Variants in TNNI3K observed in about 807,000 individuals in gnomAD.
TNNI3K encodes the protein TNNI3 interacting kinase, also known as serine/threonine-protein kinase TNNI3K.
TNNI3K carries 140 observed loss-of-function variants against 114.5 expected under a neutral mutation model. The observed-to-expected ratio is 1.22, with a 90% CI of 1.07 to 1.41. TNNI3K has a LOEUF of 1.41. Ranked by LOEUF, TNNI3K falls within the 40% of genes most tolerant of loss-of-function variation. TNNI3K has a pLI of 0.00. For missense variants in TNNI3K, 1,125 were observed against 1,007.6 expected, an observed-to-expected ratio of 1.12 and a Z score of -1.58; for synonymous variants, 347 against 347.5, an observed-to-expected ratio of 1.00 and a Z score of 0.02.
chr1:74,531,736 T>A (rs760016776), intron 23 of TNNI3K, among the ~76,000 whole-genome samples: 1 of 152,210 alleles, frequency 6.6e-6, no homozygotes, highest in Non-Finnish European at 1.5e-5. Context: ...TTAAGTATTA[T>A]TGTATGTGTT....
At chr1:74,344,658 C>G (rs1403872377) in intron 9 of TNNI3K, among the ~76,000 whole-genome samples, 2 of 152,060 alleles carry the variant, frequency 1.3e-5, no homozygotes, top group Non-Finnish European at 2.9e-5. Context: ...GGCTAGTTTT[C>G]AAATCATTTT....
chr1:74,530,812 C>T (rs185861785), intron 23 of TNNI3K, among the ~76,000 whole-genome samples: 115 of 151,402 alleles, frequency 7.6e-4, no homozygotes, highest in African/African-American at 2.7e-3. Flanking sequence ...TTTTAGCAGT[C>T]AAGGCATGCA....
intron 23 of TNNI3K, among the ~76,000 whole-genome samples, chr1:74,527,155 A>C (rs530558744): frequency 1.3e-4 from 20 of 152,336 alleles, no homozygotes; most frequent in African/African-American, 4.6e-4. Context: ...AGGTCACTGT[A>C]AACAGTTTTA....
At chr1:74,507,422 A>G (rs573919508) in intron 23 of TNNI3K, among the ~76,000 whole-genome samples, 108 of 152,244 alleles carry the variant, frequency 7.1e-4, no homozygotes, top group African/African-American at 2.4e-3. Context: ...TTGTATGTCA[A>G]TTGCCATACA....
At chr1:74,519,820 A>C (rs905201314) in intron 23 of TNNI3K, among the ~76,000 whole-genome samples, 5 of 152,130 alleles carry the variant, frequency 3.3e-5, no homozygotes, top group African/African-American at 9.7e-5. Context: ...TGTCATTCAG[A>C]GGTGAAGGGA....
At chr1:74,451,748 T>TTCC (rs1667033875) in intron 20 of TNNI3K, among the ~76,000 whole-genome samples, 1 of 36,792 alleles carries the variant, frequency 2.7e-5, no homozygotes, top group African/African-American at 9.2e-5. Context: ...TCTTTCTTTC[T>TTCC]TTTCTTTTCT....
chr1:74,368,088 A>G, intron 13 of TNNI3K, 124 bp downstream of exon 13: 1 of 892,746 alleles, frequency 1.1e-6, no homozygotes, highest in Admixed American at 3.2e-5. Context: ...AACAAATATT[A>G]TTGACAGACC....
chr1:74,337,194 GTTGT>G (rs1157861558), intron 7 of TNNI3K, among the ~76,000 whole-genome samples: 1 of 152,146 alleles, frequency 6.6e-6, no homozygotes, highest in African/African-American at 2.4e-5. Context: ...TTGTGATGGG[GTTGT>G]TTATTTTTTT....
At chr1:74,432,398 T>G (rs1473086500) in intron 17 of TNNI3K, among the ~76,000 whole-genome samples, 1 of 152,066 alleles carries the variant, frequency 6.6e-6, no homozygotes, top group Non-Finnish European at 1.5e-5. Context: ...ACCTCTTGGG[T>G]GGTCTTTTGA....
intron 21 of TNNI3K, among the ~76,000 whole-genome samples, chr1:74,479,244 C>T (rs773678893): frequency 3.3e-5 from 5 of 152,230 alleles, no homozygotes; most frequent in East Asian, 3.9e-4. Flanking sequence ...ACACACACAT[C>T]GAGCTAGATA....
intron 2 of TNNI3K, among the ~76,000 whole-genome samples, chr1:74,239,517 G>A (rs967216950): frequency 2.0e-5 from 3 of 151,976 alleles, no homozygotes; most frequent in Middle Eastern, 3.2e-3. Context: ...ATGTTATGTT[G>A]CCTGACATCA....
chr1:74,449,378 C>T (rs531449645), intron 20 of TNNI3K, among the ~76,000 whole-genome samples: 87 of 151,322 alleles, frequency 5.7e-4, no homozygotes, highest in African/African-American at 1.7e-3. Flanking sequence ...GTCTTGCTAG[C>T]GGTCTATCAA....
Position 74,432,089 on chromosome 1 carries a change from C to T in TNNI3K, c.1773-3991C>T, listed in dbSNP as rs1317780578. On this transcript the variant is annotated intron_variant, in intron 17 of 24. Coordinates refer to ENST00000326637, the MANE Select transcript of TNNI3K (RefSeq NM_015978.3). ...GTATGTGTGTGTGTGTGTGTGCACA[C>T]ATGCATATGCACAGCTTATGTGTAC... Among the ~76,000 whole-genome samples the T allele has an allele frequency of 2.0e-5, 3 of 152,024 alleles. No individual in the cohort carries two copies. In the South Asian group the frequency reaches 6.2e-4, roughly 32 times the overall value.
intron 23 of TNNI3K, among the ~76,000 whole-genome samples, chr1:74,513,103 C>T (rs1457457514): frequency 1.3e-5 from 2 of 152,228 alleles, no homozygotes; most frequent in African/African-American, 2.4e-5. Flanking sequence ...ATCAACCTAG[C>T]ACACAGCTTG....
intron 4 of TNNI3K, among the ~76,000 whole-genome samples, chr1:74,267,449 G>T (rs1570395255): frequency 6.7e-6 from 1 of 148,618 alleles, no homozygotes; most frequent in South Asian, 2.1e-4. Context: ...CAACAGACCT[G>T]GGTTTGCATC....
intron 20 of TNNI3K, among the ~76,000 whole-genome samples, chr1:74,451,144 G>C (rs1039566348): frequency 6.6e-6 from 1 of 152,066 alleles, no homozygotes; most frequent in African/African-American, 2.4e-5. Flanking sequence ...ACTAACACAG[G>C]AACAGAAAAC....
chr1:74,436,798 A>C (rs900663365), intron 19 of TNNI3K, among the ~76,000 whole-genome samples: 1 of 152,080 alleles, frequency 6.6e-6, no homozygotes, highest in Non-Finnish European at 1.5e-5. Flanking sequence ...CGTTGTGGGC[A>C]TGGATCTTTT....
chr1:74,420,941 T>A lies in TNNI3K; in HGVS notation c.1773-15139T>A, dbSNP rs45502592. 8.7e-3 allele frequency among the ~76,000 whole-genome samples: 1,320 copies of A among 152,256 alleles called. 17 individuals carry two copies. Among genetic ancestry groups the A allele is most frequent in the African/African-American group, 0.03 (1,242 of 41,562 alleles). On this transcript the variant is annotated intron_variant, in intron 17 of 24. Coordinates refer to ENST00000326637, the MANE Select transcript of TNNI3K (RefSeq NM_015978.3). ...ATTTATGCTAGAGGTTGCAATTTTTTGAATTTTTGCATGAGTGAAAAATCA... is the reference window on the plus strand; with the variant it reads ...ATTTATGCTAGAGGTTGCAATTTTTAGAATTTTTGCATGAGTGAAAAATCA...
At chr1:74,244,639 G>A (rs1654444901) in intron 2 of TNNI3K, among the ~76,000 whole-genome samples, 2 of 148,536 alleles carry the variant, frequency 1.3e-5, no homozygotes, top group South Asian at 4.4e-4. Context: ...TATCTAGTAT[G>A]TGTATTTCCA....
Sources: allele counts gnomAD v4.1 joint callset (sites outside exome capture counted in the v4.1 genomes callset), GRCh38; gene constraint gnomAD v4.1.1; transcripts MANE v1.5; gene names NCBI Gene and HGNC (gene_info 2026-07-23, HGNC 2026-07-21).